The following CFAP61 variants were observed in gnomAD, a reference collection of about 807,000 sequenced individuals.
The protein encoded by CFAP61 is cilia- and flagella-associated protein 61.
In CFAP61, 107 loss-of-function variants were observed where a neutral mutation model predicts 135.6. The observed-to-expected ratio is 0.79, with a 90% confidence interval of 0.67 to 0.93. CFAP61 has a LOEUF of 0.93. Among genes scored for constraint, CFAP61 ranks in the 40% least tolerant of loss-of-function variants. CFAP61 has a pLI of 0.00. For missense variants in CFAP61, 1,507 were observed against 1,556.2 expected (o/e 0.97, Z 0.53); for synonymous variants, 575 against 578.5 (o/e 0.99, Z 0.09).
chr20:20,290,207 C>A, intron 23 of CFAP61, 93 bp from the exon 24 acceptor site: 1 of 806,060 alleles, frequency 1.2e-6, no homozygotes, highest in East Asian at 2.4e-5. Context: ...TACGCCACTG[C>A]AGGCATCTGT....
chr20:20,118,277 CTTTCT>C lies in CFAP61; in HGVS notation c.859+19466_859+19470del, dbSNP rs1407981137. Among the ~76,000 whole-genome samples, 4 of 140,514 alleles carry C rather than the reference CTTTCT, an allele frequency of 2.8e-5. No homozygotes were observed. In the South Asian group the frequency reaches 6.7e-4, roughly 23 times the overall value. The allele number at this position is 140,514 out of a possible 152,430, so 92.2% of individuals were successfully genotyped here. On this transcript the variant is annotated intron_variant, in intron 8 of 26. Coordinates refer to ENST00000245957, the MANE Select transcript of CFAP61 (RefSeq NM_015585.4). The stretch of plus-strand genomic sequence containing the variant: ...TGTTTCTTTCTTTCTTTCTTTCTTT[CTTTCT>C]TTCTTTCTTTCTTTCTTTCTTTCTT...
intron 24 of CFAP61, among the ~76,000 whole-genome samples, chr20:20,291,741 G>A (rs1218970458): frequency 7.9e-5 from 12 of 152,182 alleles, no homozygotes; most frequent in Non-Finnish European, 1.8e-4. Flanking sequence ...TGGGAATTCT[G>A]CTGTTTAAAG....
rs910719766 is a variant in CFAP61 at position 20,256,906 on chromosome 20, C to G, written c.2328+5143C>G. The stretch of plus-strand genomic sequence containing the variant: ...CTTAGTCACCCATCTCCCTTTTTGT[C>G]TAACCCTGTGGCCTTCTTAGCTTAG... On this transcript the variant is annotated intron_variant, in intron 20 of 26. Coordinates refer to ENST00000245957, the MANE Select transcript of CFAP61 (RefSeq NM_015585.4). 3.3e-5 allele frequency among the ~76,000 whole-genome samples: 5 copies of G among 152,244 alleles called. No homozygotes were observed. In the East Asian group the frequency reaches 7.7e-4, roughly 24 times the overall value.
In CFAP61 at chr20:20,325,156, C is replaced by T. The variant is rs113917601; in HGVS notation, c.3423-16675C>T. Among the ~76,000 whole-genome samples the T allele has an allele frequency of 9.2e-3, 1,396 of 152,314 alleles. 25 individuals are homozygous for T. Among genetic ancestry groups the T allele is most frequent in the African/African-American group, 0.033 (1,353 of 41,556 alleles). ...ACATACCCTCCTCCACCCCCAGCCACTTACACAGTTTCTACTATTATTTAC... is the reference window on the plus strand; with the variant it reads ...ACATACCCTCCTCCACCCCCAGCCATTTACACAGTTTCTACTATTATTTAC... On this transcript the variant is annotated intron_variant, in intron 25 of 26. Transcript: ENST00000245957.
At chr20:20,257,628 C>CAAAAAA (rs79177514) in intron 20 of CFAP61, among the ~76,000 whole-genome samples, 6 of 36,848 alleles carry the variant, frequency 1.6e-4, no homozygotes, top group East Asian at 1.3e-3. Context: ...AACAAAAAAA[C>CAAAAAA]AAAAAAAAAA....
At chr20:20,261,438 G>A (rs1178079901) in intron 20 of CFAP61, among the ~76,000 whole-genome samples, 1 of 152,140 alleles carries the variant, frequency 6.6e-6, no homozygotes, top group African/African-American at 2.4e-5. Flanking sequence ...ACAGCCCTGA[G>A]GTCTTAGACC....
chr20:20,274,113 T>C (rs1248690978), intron 21 of CFAP61, among the ~76,000 whole-genome samples: 1 of 152,212 alleles, frequency 6.6e-6, no homozygotes, highest in East Asian at 1.9e-4. Flanking sequence ...GACAACATTA[T>C]ATATGGGCAT....
At chr20:20,060,522 A>G (rs1354579680) in intron 2 of CFAP61, among the ~76,000 whole-genome samples, 1 of 152,254 alleles carries the variant, frequency 6.6e-6, no homozygotes, top group African/African-American at 2.4e-5. Flanking sequence ...GGACAAAAAC[A>G]TTATATAAAT....
chr20:20,130,185 A>G (rs906034694), intron 8 of CFAP61, among the ~76,000 whole-genome samples: 7 of 151,582 alleles, frequency 4.6e-5, no homozygotes, highest in Non-Finnish European at 1.0e-4. Flanking sequence ...GCTACTCAGG[A>G]GGCTGAGGCA....
At chr20:20,131,756 A>C (rs2050545975) in intron 8 of CFAP61, among the ~76,000 whole-genome samples, 1 of 151,986 alleles carries the variant, frequency 6.6e-6, no homozygotes, top group African/African-American at 2.4e-5. Flanking sequence ...TACTAATATA[A>C]GTATTTAAAC....
intron 8 of CFAP61, among the ~76,000 whole-genome samples, chr20:20,118,309 T>TTTC (rs2049333855): frequency 7.2e-6 from 1 of 138,334 alleles, no homozygotes; most frequent in African/African-American, 2.6e-5. Context: ...TTCTTTCTTT[T>TTTC]CTTTCTTTCT....
chr20:20,177,716 AAG>A (rs1294202573), intron 13 of CFAP61, among the ~76,000 whole-genome samples: 1 of 150,680 alleles, frequency 6.6e-6, no homozygotes, highest in Non-Finnish European at 1.5e-5. Context: ...ATGTAAAGGA[AAG>A]AGATCAAATG....
At chr20:20,319,479 G>C (rs1229754195) in intron 25 of CFAP61, among the ~76,000 whole-genome samples, 1 of 152,194 alleles carries the variant, frequency 6.6e-6, no homozygotes, top group Non-Finnish European at 1.5e-5. Context: ...TCCCCTTGCT[G>C]TTCTTGTAAT....
At chr20:20,092,767 G>A (rs1171338137) in intron 7 of CFAP61, among the ~76,000 whole-genome samples, 1 of 152,126 alleles carries the variant, frequency 6.6e-6, no homozygotes, top group East Asian at 1.9e-4. Context: ...TTAAGGAAAG[G>A]CAAATCAAAA....
chr20:20,294,219 C>A (rs1490782158), intron 24 of CFAP61, among the ~76,000 whole-genome samples: 2 of 152,248 alleles, frequency 1.3e-5, no homozygotes, highest in Non-Finnish European at 2.9e-5. Flanking sequence ...TACGGCATCA[C>A]TTAGTGGAGC....
chr20:20,159,381 C>T lies in CFAP61; in HGVS notation c.963C>T (p.Ala321=). 1.9e-6 allele frequency: 3 copies of T among 1,613,834 alleles called. No individual in the cohort carries two copies. Among genetic ancestry groups the T allele is most frequent in the Non-Finnish European group, 2.5e-6 (3 of 1,179,760 alleles). Residue 321 remains alanine, a synonymous_variant, in exon 10 of 27, where the codon GCC becomes GCT. Coordinates refer to ENST00000245957, the MANE Select transcript of CFAP61 (RefSeq NM_015585.4). ...DTMENIQGNI[A]REAASEEALT... ...GTCATCATTTCCAGGGAAATATTGC[C>T]AGAGAAGCTGCATCCGAGGAAGCTT...
chr20:20,084,030 AG>A (rs36123305), intron 6 of CFAP61, among the ~76,000 whole-genome samples: 7,114 of 152,228 alleles, frequency 0.047, 550 homozygotes, highest in African/African-American at 0.16. Context: ...GAAAAGAAAA[AG>A]GGTGCTTGGT....
chr20:20,129,170 G>T (rs1403217305), intron 8 of CFAP61, among the ~76,000 whole-genome samples: 1 of 151,672 alleles, frequency 6.6e-6, no homozygotes, highest in African/African-American at 2.4e-5. Flanking sequence ...TATACCTTCA[G>T]ATGTCTTCTT....
chr20:20,257,311 A>C (rs762370169), intron 20 of CFAP61, among the ~76,000 whole-genome samples: 19 of 152,214 alleles, frequency 1.2e-4, no homozygotes, highest in Non-Finnish European at 2.6e-4. Flanking sequence ...TAATTGAGAT[A>C]GAAAAGAAAA....
Sources: gnomAD v4.1 joint callset for allele counts (sites outside exome capture counted in the v4.1 genomes callset) on GRCh38, gnomAD v4.1.1 for gene constraint, MANE v1.5 for transcripts, NCBI Gene and HGNC (gene_info 2026-07-23, HGNC 2026-07-21) for gene names.